The following DLG2 variants were observed in gnomAD, a reference collection of about 807,000 sequenced individuals.
DLG2 encodes discs large MAGUK scaffold protein 2.
DLG2 carries 45 observed loss-of-function variants against 132.5 expected under a neutral mutation model. The ratio of observed to expected loss-of-function variants is 0.34; its 90% CI spans 0.27 to 0.44. The LOEUF is 0.44. Among genes scored for constraint, DLG2 ranks in the 20% least tolerant of loss-of-function variants. The pLI, the probability that DLG2 is intolerant of heterozygous loss-of-function variation, is 1.00. For synonymous variants in DLG2, 424 were observed against 419.6 expected (o/e 1.01, Z -0.13); for missense variants, 1,045 against 1,196.9 (o/e 0.87, Z 1.87).
rs901461342 is a variant in DLG2 at position 84,224,870 on chromosome 11, T to C, written c.573+26368A>G. 3.9e-5 allele frequency among the ~76,000 whole-genome samples: 6 copies of C among 152,226 alleles called. No homozygotes were observed. The East Asian group carries it at 5.8e-4, about 15-fold the overall frequency. On this transcript the variant is annotated intron_variant, in intron 8 of 27. Coordinates refer to ENST00000376104, the MANE Select transcript of DLG2 (RefSeq NM_001142699.3). ...TCCTTTTTCATGTATCTGATCTTTC[T>C]TTGTATATGACTGTCTTATCCCCAT...
chr11:84,615,462 C>A (rs2099602293), intron 6 of DLG2, among the ~76,000 whole-genome samples: 2 of 151,958 alleles, frequency 1.3e-5, no homozygotes, highest in Admixed American at 1.3e-4. Flanking sequence ...GCTAATAATT[C>A]TTCTTAATTT....
intron 20 of DLG2, among the ~76,000 whole-genome samples, chr11:83,534,615 A>T (rs1372195120): frequency 6.6e-6 from 1 of 152,136 alleles, no homozygotes; most frequent in African/African-American, 2.4e-5. Flanking sequence ...GCTGAACAAA[A>T]TTTTTCAACT....
intron 6 of DLG2, among the ~76,000 whole-genome samples, chr11:84,599,070 C>A (rs916819004): frequency 6.6e-6 from 1 of 151,278 alleles, no homozygotes; most frequent in Non-Finnish European, 1.5e-5. Flanking sequence ...CATGGTGAAA[C>A]CCCATCTCTA....
intron 9 of DLG2, among the ~76,000 whole-genome samples, chr11:84,129,532 T>G (rs1175789996): frequency 6.6e-6 from 1 of 152,094 alleles, no homozygotes; most frequent in Non-Finnish European, 1.5e-5. Context: ...ACAGGGTACA[T>G]GATGTGAGAT....
chr11:84,191,027 A>C (rs75601166), intron 8 of DLG2, among the ~76,000 whole-genome samples: 1,965 of 152,318 alleles, frequency 0.013, 38 homozygotes, highest in African/African-American at 0.039. Context: ...AGTTCAAAAA[A>C]ATGGGTAAGA....
chr11:85,467,206 T>G (rs2092820566), intron 3 of DLG2, among the ~76,000 whole-genome samples: 1 of 152,218 alleles, frequency 6.6e-6, no homozygotes, highest in African/African-American at 2.4e-5. Context: ...AAGGAGATTT[T>G]GGGCTGAGAC....
intron 17 of DLG2, among the ~76,000 whole-genome samples, chr11:83,797,593 A>G (rs774284832): frequency 2.8e-4 from 43 of 151,756 alleles, no homozygotes; most frequent in Non-Finnish European, 4.7e-4. Flanking sequence ...TATCTCGCTC[A>G]CTGCAAGCTT....
intron 8 of DLG2, among the ~76,000 whole-genome samples, chr11:84,197,827 A>G (rs567111417): frequency 6.6e-6 from 1 of 152,302 alleles, no homozygotes; most frequent in East Asian, 1.9e-4. Flanking sequence ...GTCACGTTTT[A>G]TAGGTCAGCC....
chr11:84,091,546 C>A lies in DLG2; in HGVS notation c.749+7377G>T, dbSNP rs1211032972. ...AGTGTTTCTGAAGTTTTGGGTGTGA[C>A]AGTATTACCGGAGACCTGCAACAGC... On this transcript the variant is annotated intron_variant, in intron 10 of 27. Coordinates refer to ENST00000376104, the MANE Select transcript of DLG2 (RefSeq NM_001142699.3). 5.3e-5 allele frequency among the ~76,000 whole-genome samples: 8 copies of A among 152,138 alleles called. No homozygotes were observed. In the East Asian group the frequency reaches 1.5e-3, roughly 29 times the overall value.
At chr11:85,399,351 C>T (rs2087783378) in intron 3 of DLG2, among the ~76,000 whole-genome samples, 1 of 152,132 alleles carries the variant, frequency 6.6e-6, no homozygotes, top group Admixed American at 6.6e-5. Flanking sequence ...AATGGCCATA[C>T]TGCCCAAGGT....
At chr11:85,308,087 G>A (rs2080069248) in intron 3 of DLG2, among the ~76,000 whole-genome samples, 2 of 151,878 alleles carry the variant, frequency 1.3e-5, no homozygotes, top group African/African-American at 4.8e-5. Context: ...CCAGGAGGCA[G>A]AGGTTGTAGT....
chr11:85,536,991 G>T (rs1191945042), intron 3 of DLG2, among the ~76,000 whole-genome samples: 2 of 152,192 alleles, frequency 1.3e-5, no homozygotes, highest in Admixed American at 6.5e-5. Flanking sequence ...CTAGCCAAAG[G>T]ATTGTAAATG....
chr11:83,637,647 T>G (rs1389158698), intron 18 of DLG2, among the ~76,000 whole-genome samples: 1 of 152,236 alleles, frequency 6.6e-6, no homozygotes, highest in Middle Eastern at 3.4e-3. Flanking sequence ...CCACAATTGT[T>G]TAGAATATAA....
At chr11:85,018,435 A>G (rs978894443) in intron 6 of DLG2, among the ~76,000 whole-genome samples, 3 of 149,544 alleles carry the variant, frequency 2.0e-5, no homozygotes, top group South Asian at 2.2e-4. Context: ...TTTGAATTTT[A>G]AAACTAAATA....
intron 17 of DLG2, among the ~76,000 whole-genome samples, chr11:83,789,629 C>T (rs937591704): frequency 6.6e-6 from 1 of 151,904 alleles, no homozygotes; most frequent in Non-Finnish European, 1.5e-5. Context: ...CTCACTGCAG[C>T]CTCCGCCTCC....
At chr11:85,031,588 A>G (rs1164246198) in intron 6 of DLG2, among the ~76,000 whole-genome samples, 1 of 152,002 alleles carries the variant, frequency 6.6e-6, no homozygotes, top group African/African-American at 2.4e-5. Flanking sequence ...TTAACTGTAG[A>G]CCATCTTTCC....
chr11:84,602,876 T>C (rs549242145), intron 6 of DLG2, among the ~76,000 whole-genome samples: 1 of 151,648 alleles, frequency 6.6e-6, no homozygotes, highest in South Asian at 2.1e-4. Flanking sequence ...TTAAATTAAA[T>C]GAAAAAAAGA....
intron 6 of DLG2, among the ~76,000 whole-genome samples, chr11:84,789,446 C>T (rs1385426210): frequency 6.6e-6 from 1 of 151,954 alleles, no homozygotes; most frequent in Non-Finnish European, 1.5e-5. Context: ...ATAGTAGGCA[C>T]ATATATTTAT....
At chr11:85,594,715 G>C (rs943513153) in intron 3 of DLG2, among the ~76,000 whole-genome samples, 21 of 152,002 alleles carry the variant, frequency 1.4e-4, no homozygotes, top group African/African-American at 5.1e-4. Context: ...AACAATTATG[G>C]TGGTAATATA....
Sources: allele counts gnomAD v4.1 joint callset (sites outside exome capture counted in the v4.1 genomes callset), GRCh38; gene constraint gnomAD v4.1.1; transcripts MANE v1.5; gene names NCBI Gene and HGNC (gene_info 2026-07-23, HGNC 2026-07-21).